The following FERRY3 variants were observed in gnomAD, a reference collection of about 807,000 sequenced individuals.
The protein encoded by FERRY3 is protein C12orf4.
At chr12:4,507,488 G>T in the FERRY3 span, among the ~76,000 whole-genome samples, 3 of 151,658 alleles carry the variant, frequency 2.0e-5, no homozygotes, top group Non-Finnish European at 4.4e-5. Flanking sequence ...CCAATACTAC[G>T]GAAAATTATA....
chr12:4,523,801 A>G, the FERRY3 span, among the ~76,000 whole-genome samples: 29,120 of 151,766 alleles, frequency 0.19, 4,351 homozygotes, highest in African/African-American at 0.41. Flanking sequence ...ACACACCAGG[A>G]CCCGTCGTGG....
At chr12:4,499,646 G>A in the FERRY3 span, among the ~76,000 whole-genome samples, 1 of 152,172 alleles carries the variant, frequency 6.6e-6, no homozygotes, top group Non-Finnish European at 1.5e-5. Flanking sequence ...TGAGACAAAT[G>A]TTAAACTAAG....
At chr12:4,507,528 T>C in the FERRY3 span, among the ~76,000 whole-genome samples, 1 of 151,830 alleles carries the variant, frequency 6.6e-6, no homozygotes, top group African/African-American at 2.4e-5. Context: ...CCAGGAATTA[T>C]CTTTAGGAAT....
At chr12:4,518,414 TA>T in the FERRY3 span, among the ~76,000 whole-genome samples, 4 of 152,198 alleles carry the variant, frequency 2.6e-5, no homozygotes, top group African/African-American at 9.7e-5. Flanking sequence ...TTTTTCAGTT[TA>T]ATCTATCTGC....
chr12:4,516,904 T>G, the FERRY3 span, among the ~76,000 whole-genome samples: 4 of 152,174 alleles, frequency 2.6e-5, no homozygotes, highest in Non-Finnish European at 5.9e-5. Context: ...AAATACATTT[T>G]GATGTTCTTT....
At chr12:4,517,710 CAGAG>C in the FERRY3 span, among the ~76,000 whole-genome samples, 236 of 132,260 alleles carry the variant, frequency 1.8e-3, no homozygotes, top group East Asian at 3.0e-3. Flanking sequence ...TATATATAGA[CAGAG>C]AGAGAGAGAG....
At chr12:4,518,683 C>A in the FERRY3 span, 14 of 833,376 alleles carry the variant, frequency 1.7e-5, no homozygotes, top group African/African-American at 3.6e-5. Context: ...CATAGCGAAA[C>A]CTTTTCTCTA....
At chr12:4,522,166 T>C in the FERRY3 span, among the ~76,000 whole-genome samples, 6 of 152,298 alleles carry the variant, frequency 3.9e-5, no homozygotes, top group African/African-American at 1.4e-4. Flanking sequence ...GGTCAGGCGG[T>C]AAATCTTAGT....
At chr12:4,528,905 AC>A in the FERRY3 span, among the ~76,000 whole-genome samples, 3 of 112,008 alleles carry the variant, frequency 2.7e-5, 1 homozygote, top group South Asian at 8.1e-4. Flanking sequence ...TTACACACAC[AC>A]ACACACACAC....
the FERRY3 span, among the ~76,000 whole-genome samples, chr12:4,531,895 C>T: frequency 3.9e-5 from 6 of 152,062 alleles, no homozygotes; most frequent in Non-Finnish European, 7.4e-5. Flanking sequence ...CTTACTTTCC[C>T]GAACTCTACA....
chr12:4,494,107 T>G, the FERRY3 span, among the ~76,000 whole-genome samples: 1 of 151,778 alleles, frequency 6.6e-6, no homozygotes, highest in Non-Finnish European at 1.5e-5. Flanking sequence ...AATAAATAAA[T>G]AAATAAATGT....
the FERRY3 span, among the ~76,000 whole-genome samples, chr12:4,508,023 A>G: frequency 6.6e-6 from 1 of 152,204 alleles, no homozygotes; most frequent in African/African-American, 2.4e-5. Flanking sequence ...TTACCTATTT[A>G]AAAAATGATT....
At chr12:4,489,816 G>A in the FERRY3 span, 1 of 1,600,540 alleles carries the variant, frequency 6.2e-7, no homozygotes, top group Non-Finnish European at 8.6e-7. Flanking sequence ...TTTAGTGCTT[G>A]GATGTCAGAG....
the FERRY3 span, chr12:4,500,360 T>C: frequency 6.3e-7 from 1 of 1,599,592 alleles, no homozygotes; most frequent in South Asian, 1.1e-5. Context: ...ATAAATACAA[T>C]CATGATTACC....
At chr12:4,526,808 C>G in the FERRY3 span, among the ~76,000 whole-genome samples, 1 of 150,024 alleles carries the variant, frequency 6.7e-6, no homozygotes, top group African/African-American at 2.5e-5. Flanking sequence ...TGTCACTGTA[C>G]TTCAGCCTGG....
At chr12:4,528,896 T>TACACACACACACAC in the FERRY3 span, among the ~76,000 whole-genome samples, 3 of 131,564 alleles carry the variant, frequency 2.3e-5, no homozygotes, top group Admixed American at 7.3e-5. Flanking sequence ...TTAAATCAGT[T>TACACACACACACAC]ACACACACAC....
At chr12:4,529,974 T>G in the FERRY3 span, 1 of 1,613,646 alleles carries the variant, frequency 6.2e-7, no homozygotes, top group Non-Finnish European at 8.5e-7. Context: ...GGCAGGAGAA[T>G]GAATTAAGTC....
At chr12:4,532,072 T>G in the FERRY3 span, among the ~76,000 whole-genome samples, 1 of 151,098 alleles carries the variant, frequency 6.6e-6, no homozygotes. Context: ...CAACACAAAT[T>G]CATAAATTGT....
the FERRY3 span, among the ~76,000 whole-genome samples, chr12:4,537,184 T>C: frequency 6.6e-6 from 1 of 152,238 alleles, no homozygotes; most frequent in African/African-American, 2.4e-5. Context: ...CCGAATCTTT[T>C]TGAATGCCTT....
Sources: allele counts gnomAD v4.1 joint callset (sites outside exome capture counted in the v4.1 genomes callset), GRCh38; gene constraint gnomAD v4.1.1; transcripts MANE v1.5; gene names NCBI Gene and HGNC (gene_info 2026-07-23, HGNC 2026-07-21).